GRIK4: variants seen among roughly 807,000 people sequenced by gnomAD.
GRIK4 encodes the protein glutamate receptor ionotropic, kainate 4.
GRIK4 carries 40 observed loss-of-function variants against 104.9 expected under a neutral mutation model. That is an observed-to-expected ratio of 0.38 (90% CI 0.30 to 0.50). The LOEUF is 0.50. Ranked by LOEUF, GRIK4 falls within the 20% of genes least tolerant of loss-of-function variation. The pLI is 0.93. For synonymous variants in GRIK4, 485 were observed against 524.9 expected, an observed-to-expected ratio of 0.92 and a Z score of 1.04; for missense variants, 1,047 against 1,308.1, an observed-to-expected ratio of 0.80 and a Z score of 3.08.
At chr11:120,566,526 A>AT (rs1157669597) in intron 1 of GRIK4, among the ~76,000 whole-genome samples, 2 of 152,200 alleles carry the variant, frequency 1.3e-5, no homozygotes, top group Non-Finnish European at 2.9e-5. Context: ...GGTGCTGAGC[A>AT]TATGTGGCAC....
At chr11:120,518,250 T>C (rs56078735) in intron 1 of GRIK4, among the ~76,000 whole-genome samples, 37,374 of 152,132 alleles carry the variant, frequency 0.25, 5,158 homozygotes, top group Non-Finnish European at 0.3. Context: ...GGCACAAAGC[T>C]ATGCAAGCCC....
chr11:120,522,280 T>G (rs570858189), intron 1 of GRIK4, among the ~76,000 whole-genome samples: 1 of 152,338 alleles, frequency 6.6e-6, no homozygotes, highest in South Asian at 2.1e-4. Context: ...CCAGGAGGTT[T>G]TACCTTAGAC....
intron 4 of GRIK4, among the ~76,000 whole-genome samples, chr11:120,807,723 C>T (rs1358799017): frequency 6.6e-6 from 1 of 152,188 alleles, no homozygotes; most frequent in Non-Finnish European, 1.5e-5. Flanking sequence ...AGCAAACATT[C>T]CTTACTCCCC....
intron 1 of GRIK4, among the ~76,000 whole-genome samples, chr11:120,631,076 C>T (rs1225758014): frequency 1.3e-5 from 2 of 152,222 alleles, no homozygotes; most frequent in Non-Finnish European, 2.9e-5. Context: ...ATCATAGTGC[C>T]TGCCTTTCGG....
Position 120,962,527 on chromosome 11 carries a change from G to C in GRIK4, c.2112G>C (p.Lys704Asn), listed in dbSNP as rs755023411. 2 of 1,614,150 alleles carry C rather than the reference G, an allele frequency of 1.2e-6. No homozygotes were observed. The highest frequency in any genetic ancestry group is 2.2e-5 in the East Asian group (1 of 44,884). Residue 704 changes from lysine (K) to asparagine (N), a missense_variant, in exon 18 of 21, where the codon AAG (lysine) becomes AAC (asparagine). Lys to Asn is a moderately conservative substitution (Grantham distance 94). Coordinates refer to ENST00000527524, the MANE Select transcript of GRIK4 (RefSeq NM_014619.5). ...CCAAGCAGCCCAGCGTGTTCGTGAA[G>C]AGCACAGAGGAGGGAATCGCCAGGG... ...MYSKQPSVFV[K>N]STEEGIARVL...
chr11:120,672,711 C>T (rs1459434691), intron 3 of GRIK4, among the ~76,000 whole-genome samples: 3 of 148,628 alleles, frequency 2.0e-5, no homozygotes, highest in South Asian at 2.1e-4. Context: ...CGAGTTTGCT[C>T]GTGATTTGGC....
chr11:120,608,896 C>A (rs1948996682), intron 1 of GRIK4, among the ~76,000 whole-genome samples: 1 of 152,144 alleles, frequency 6.6e-6, no homozygotes, highest in African/African-American at 2.4e-5. Context: ...CAGCAGGAGC[C>A]TTTTTTTCTT....
At chr11:120,834,793 C>G (rs560961741) in intron 7 of GRIK4, among the ~76,000 whole-genome samples, 1 of 152,346 alleles carries the variant, frequency 6.6e-6, no homozygotes, top group South Asian at 2.1e-4. Context: ...AGAAATCAGG[C>G]CTTAAAAACC....
At chr11:120,519,823 C>T (rs1338591251) in intron 1 of GRIK4, among the ~76,000 whole-genome samples, 2 of 150,990 alleles carry the variant, frequency 1.3e-5, no homozygotes, top group African/African-American at 4.9e-5. Flanking sequence ...GCACTAATCC[C>T]TCCCTAATTC....
intron 1 of GRIK4, among the ~76,000 whole-genome samples, chr11:120,528,938 C>T (rs1947893557): frequency 1.3e-5 from 2 of 152,198 alleles, no homozygotes; most frequent in African/African-American, 4.8e-5. Flanking sequence ...ATCTATTGAG[C>T]ATGTGCCCAT....
chr11:120,822,000 A>G (rs986293144), intron 6 of GRIK4, among the ~76,000 whole-genome samples: 1 of 152,142 alleles, frequency 6.6e-6, no homozygotes, highest in Admixed American at 6.5e-5. Flanking sequence ...ACTTGACATC[A>G]GGAGTTTGAG....
intron 1 of GRIK4, among the ~76,000 whole-genome samples, chr11:120,545,497 C>A (rs1021377950): frequency 1.3e-5 from 2 of 152,138 alleles, no homozygotes; most frequent in African/African-American, 4.8e-5. Context: ...TTGTAGTAAG[C>A]ACTATTCGAG....
chr11:120,682,351 G>A (rs1950207323), intron 3 of GRIK4, among the ~76,000 whole-genome samples: 1 of 152,214 alleles, frequency 6.6e-6, no homozygotes. Context: ...ACTTGAGCAG[G>A]GAGTGGGTCT....
intron 19 of GRIK4, among the ~76,000 whole-genome samples, chr11:120,973,277 C>A (rs1445009887): frequency 6.6e-6 from 1 of 152,064 alleles, no homozygotes; most frequent in Middle Eastern, 3.2e-3. Flanking sequence ...CAGTAGAGTT[C>A]AGGATGGAGG....
chr11:120,718,853 G>T (rs1347051164), intron 3 of GRIK4, among the ~76,000 whole-genome samples: 1 of 152,176 alleles, frequency 6.6e-6, no homozygotes, highest in African/African-American at 2.4e-5. Context: ...CGTCGTACTT[G>T]CCCGTTCAGT....
intron 2 of GRIK4, among the ~76,000 whole-genome samples, chr11:120,657,152 A>G (rs1949723753): frequency 6.6e-6 from 1 of 152,190 alleles, no homozygotes; most frequent in Non-Finnish European, 1.5e-5. Flanking sequence ...CTCAACAAAT[A>G]TTTATTAAGG....
rs1298124678 is a variant in GRIK4, at chr11:120,511,880, C to A, written c.-166C>A. Reference sequence around the variant, plus strand: ...CCGGCTCAGCCCCCGGAGTGCGGAGCCGACCAGGTAAGGGCAGCGGCCCCC... The same window carrying A: ...CCGGCTCAGCCCCCGGAGTGCGGAGACGACCAGGTAAGGGCAGCGGCCCCC... On this transcript the variant is annotated 5_prime_UTR_variant, in exon 1 of 21. Coordinates refer to ENST00000527524, the MANE Select transcript of GRIK4 (RefSeq NM_014619.5). 1 of 299,426 alleles carries A rather than the reference C, an allele frequency of 3.3e-6. No homozygotes were observed. The highest frequency in any genetic ancestry group is 6.8e-6 in the Non-Finnish European group (1 of 146,168). 18.5% of individuals were successfully genotyped at this position (299,426 alleles called of 1,614,324 possible). A position where few individuals can be genotyped will look rare whatever the true frequency, so the allele number is the denominator to read the frequency against.
At chr11:120,523,375 C>T (rs911596036) in intron 1 of GRIK4, among the ~76,000 whole-genome samples, 54 of 151,882 alleles carry the variant, frequency 3.6e-4, no homozygotes, top group Non-Finnish European at 6.5e-4. Context: ...TGTGGGGTGG[C>T]GGCTGCTGGG....
chr11:120,905,605 G>A lies in GRIK4; in HGVS notation c.1476+112G>A, dbSNP rs1942852045. 1 of 762,660 alleles carries A rather than the reference G, an allele frequency of 1.3e-6. No homozygotes were observed. Among genetic ancestry groups the A allele is most frequent in the Non-Finnish European group, 2.2e-6 (1 of 447,324 alleles). 47.2% of individuals were successfully genotyped at this position (762,660 alleles called of 1,614,324 possible). ...TCCATTTGTTCAGTCAATCATTCAT[G>A]CATTTGTCATTTATTTGTCCACTCA... On this transcript the variant is annotated intron_variant, in intron 13 of 20. Coordinates refer to ENST00000527524, the MANE Select transcript of GRIK4 (RefSeq NM_014619.5). This position sits in a 1 kb window ranked among gnomAD's most constrained non-coding sequence, Gnocchi z 5.1.
Sources: allele counts gnomAD v4.1 joint callset (sites outside exome capture counted in the v4.1 genomes callset), GRCh38; gene constraint gnomAD v4.1.1; non-coding constraint Gnocchi (gnomAD v3.1); transcripts MANE v1.5; gene names NCBI Gene and HGNC (gene_info 2026-07-23, HGNC 2026-07-21).